DNAH9: variants seen among roughly 807,000 people sequenced by gnomAD.
DNAH9 encodes dynein axonemal heavy chain 9.
A neutral mutation model predicts 471.6 loss-of-function variants in DNAH9; 345 were observed. The ratio of observed to expected loss-of-function variants is 0.73; its 90% CI spans 0.67 to 0.80. The LOEUF is 0.80. Ranked by LOEUF, DNAH9 falls within the 30% of genes least tolerant of loss-of-function variation. The pLI is 0.00. For synonymous variants in DNAH9, 2,093 were observed against 2,123.6 expected, an observed-to-expected ratio of 0.99 and a Z score of 0.40; for missense variants, 5,407 against 5,609.2, an observed-to-expected ratio of 0.96 and a Z score of 1.15.
chr17:11,793,985 T>C (rs1291406977), intron 42 of DNAH9, among the ~76,000 whole-genome samples: 2 of 151,958 alleles, frequency 1.3e-5, no homozygotes, highest in Non-Finnish European at 2.9e-5. Context: ...ATCATCCCAT[T>C]GTTTCCAAGG....
chr17:11,827,687 CT>C (rs35848318), intron 48 of DNAH9, among the ~76,000 whole-genome samples: 84,630 of 146,888 alleles, frequency 0.58, 24,166 homozygotes, highest in Non-Finnish European at 0.6. Flanking sequence ...ATCCTTGGTT[CT>C]TTTTTTTTTT....
At chr17:11,697,595 T>C (rs973913393) in intron 22 of DNAH9, among the ~76,000 whole-genome samples, 15 of 152,260 alleles carry the variant, frequency 9.9e-5, no homozygotes, top group African/African-American at 3.6e-4. Flanking sequence ...TCTTCTAGCA[T>C]GTTTTTAAAT....
At chr17:11,599,014 G>A in intron 1 of DNAH9, 99 bp downstream of exon 1, 1 of 1,017,660 alleles carries the variant, frequency 9.8e-7, no homozygotes. Flanking sequence ...GCGGGGCGAA[G>A]CTGCAGGGGA....
Position 11,799,158 on chromosome 17 carries a change from G to A in DNAH9, c.8420+1365G>A, listed in dbSNP as rs142196134. Reference sequence around the variant, plus strand: ...AGCCCACCTCAGTTCTCACTTTCATGTTCCTATAATAGGAACCCACCTTCA... The same window carrying A: ...AGCCCACCTCAGTTCTCACTTTCATATTCCTATAATAGGAACCCACCTTCA... On this transcript the variant is annotated intron_variant, in intron 43 of 68. Coordinates refer to ENST00000262442, the MANE Select transcript of DNAH9 (RefSeq NM_001372.4). Among the ~76,000 whole-genome samples the A allele has an allele frequency of 3.9e-5, 6 of 152,020 alleles. No individual in the cohort carries two copies. In the East Asian group the frequency reaches 1.2e-3, roughly 30 times the overall value.
At chr17:11,844,948 T>G (rs746222802) in intron 49 of DNAH9, among the ~76,000 whole-genome samples, 1 of 152,178 alleles carries the variant, frequency 6.6e-6, no homozygotes. Flanking sequence ...CATGAATGTC[T>G]TCTTTTGAGA....
At chr17:11,870,017 G>A (rs1972204286) in intron 51 of DNAH9, among the ~76,000 whole-genome samples, 1 of 152,086 alleles carries the variant, frequency 6.6e-6, no homozygotes, top group African/African-American at 2.4e-5. Context: ...GGTGCAGCTG[G>A]TCCTCTCTCC....
At chr17:11,786,690 C>T (rs2150901689) in intron 41 of DNAH9, among the ~76,000 whole-genome samples, 1 of 152,310 alleles carries the variant, frequency 6.6e-6, no homozygotes, top group Non-Finnish European at 1.5e-5. Context: ...CTAGAATGTT[C>T]AGCACTGCTG....
intron 42 of DNAH9, among the ~76,000 whole-genome samples, chr17:11,796,069 T>A (rs999606542): frequency 3.3e-5 from 5 of 152,254 alleles, no homozygotes; most frequent in South Asian, 4.1e-4. Context: ...TGATTTTCTC[T>A]CTGCCTTCTA....
intron 8 of DNAH9, among the ~76,000 whole-genome samples, chr17:11,636,061 C>T (rs758875970): frequency 6.6e-6 from 1 of 151,970 alleles, no homozygotes; most frequent in Non-Finnish European, 1.5e-5. Context: ...TGCAATGGCA[C>T]GATCTTGGCA....
chr17:11,632,384 G>T (rs1418534971), intron 7 of DNAH9, among the ~76,000 whole-genome samples: 1 of 152,164 alleles, frequency 6.6e-6, no homozygotes, highest in Non-Finnish European at 1.5e-5. Flanking sequence ...TCACCATCTT[G>T]CTGGAACCCT....
At chr17:11,662,665 T>C (rs1292463779) in intron 14 of DNAH9, among the ~76,000 whole-genome samples, 1 of 38,178 alleles carries the variant, frequency 2.6e-5, no homozygotes, top group Non-Finnish European at 1.0e-4. Flanking sequence ...AGAATCTGGA[T>C]TTTTTTCCTT....
chr17:11,934,806 T>C (rs1842599465), intron 65 of DNAH9, among the ~76,000 whole-genome samples: 1 of 152,074 alleles, frequency 6.6e-6, no homozygotes, highest in Admixed American at 6.6e-5. Flanking sequence ...AGCCAACTTT[T>C]GGTAAAGTTT....
At chr17:11,925,229 A>G (rs1394733122) in intron 62 of DNAH9, 2 of 454,468 alleles carry the variant, frequency 4.4e-6, no homozygotes, top group Non-Finnish European at 8.8e-6. Context: ...ACACTGAAAC[A>G]AAAGGCCGGT....
chr17:11,867,449 G>A (rs1972101116), intron 50 of DNAH9, among the ~76,000 whole-genome samples: 1 of 138,596 alleles, frequency 7.2e-6, no homozygotes, highest in Non-Finnish European at 1.6e-5. Flanking sequence ...AACAACAATA[G>A]TGATTTCCAC....
chr17:11,935,400 G>T (rs1974674553), intron 65 of DNAH9, among the ~76,000 whole-genome samples: 1 of 147,094 alleles, frequency 6.8e-6, no homozygotes, highest in South Asian at 2.1e-4. Context: ...TTATAAGACG[G>T]AGTCTCACTC....
In DNAH9 at chr17:11,956,357, GAATC is replaced by G. The variant is rs148695632; in HGVS notation, c.12844-5507_12844-5504del. 9.1e-3 allele frequency among the ~76,000 whole-genome samples: 1,379 copies of G among 152,142 alleles called. 25 individuals carry two copies. The highest frequency in any genetic ancestry group is 0.032 in the African/African-American group (1,326 of 41,534). On this transcript the variant is annotated intron_variant, in intron 67 of 68. Coordinates refer to ENST00000262442, the MANE Select transcript of DNAH9 (RefSeq NM_001372.4). ...AAATACATAAAGCAAAAAAATGATA[GAATC>G]AAAAGAAGAAATAAACAAATCCATA...
intron 15 of DNAH9, among the ~76,000 whole-genome samples, chr17:11,665,730 G>A (rs2073854491): frequency 6.6e-6 from 1 of 152,170 alleles, no homozygotes. Flanking sequence ...CCTATAGAAG[G>A]ATTTGTCAAA....
chr17:11,813,486 G>A (rs528860661), intron 45 of DNAH9, among the ~76,000 whole-genome samples: 1 of 152,226 alleles, frequency 6.6e-6, no homozygotes, highest in Non-Finnish European at 1.5e-5. Context: ...TCAACTTTGT[G>A]GGGTTATGCA....
At chr17:11,644,548 C>T (rs571419744) in intron 10 of DNAH9, 83 bp from the exon 11 acceptor site, 1 of 1,015,904 alleles carries the variant, frequency 9.8e-7, no homozygotes, top group East Asian at 2.5e-5. Context: ...TCACGCTCTT[C>T]TTTGGAGACT....
Sources: gnomAD v4.1 joint callset for allele counts (sites outside exome capture counted in the v4.1 genomes callset) on GRCh38, gnomAD v4.1.1 for gene constraint, MANE v1.5 for transcripts, NCBI Gene and HGNC (gene_info 2026-07-23, HGNC 2026-07-21) for gene names.